Variants in ARMCX4 observed in about 807,000 individuals in gnomAD.
ARMCX4 encodes the protein armadillo repeat-containing X-linked protein 4.
Under a neutral mutation model 34.7 loss-of-function variants are expected in ARMCX4, and 3 were observed. That is an observed-to-expected ratio of 0.09 (90% CI 0.04 to 0.22). The LOEUF is 0.22. Among genes scored for constraint, ARMCX4 ranks in the 10% least tolerant of loss-of-function variants. ARMCX4 has a pLI of 1.00. For missense variants in ARMCX4, 1,448 were observed against 1,720.8 expected, an observed-to-expected ratio of 0.84 and a Z score of 2.81; for synonymous variants, 513 against 632.8, an observed-to-expected ratio of 0.81 and a Z score of 2.84.
intron 11 of ARMCX4, among the ~76,000 whole-genome samples, chrX:101,513,674 T>C (rs1431129237): frequency 1.8e-5 from 2 of 111,764 alleles, no homozygotes; most frequent in East Asian, 5.7e-4. Flanking sequence ...AGCTGGTTTT[T>C]ATAACTATTT....
At chrX:101,471,102 C>T (rs138510805) in intron 4 of ARMCX4, among the ~76,000 whole-genome samples, 2,021 of 112,152 alleles carry the variant, frequency 0.018, 47 homozygotes, top group African/African-American at 0.062. Context: ...TCTACCATTG[C>T]AAAGCATCCA....
At chrX:101,437,351 A>G (rs1555995183) in intron 2 of ARMCX4, among the ~76,000 whole-genome samples, 1 of 109,226 alleles carries the variant, frequency 9.2e-6, no homozygotes, top group Non-Finnish European at 1.9e-5. Context: ...CAGAGATTCA[A>G]CTCCTTCCTG....
chrX:101,491,326 G>T lies in ARMCX4; in HGVS notation c.2737G>T (p.Val913Leu), dbSNP rs1234710232. 1.7e-6 allele frequency: 2 copies of T among 1,153,473 alleles called. No homozygotes were observed. The highest frequency in any genetic ancestry group is 6.5e-5 in the East Asian group (2 of 30,690). Reference sequence around the variant, plus strand: ...AATGGGCTCTGCCCAGCCTCAGGTTGTGGCCAACTCCCAGCGTGAGACCTT... The same window carrying T: ...AATGGGCTCTGCCCAGCCTCAGGTTTTGGCCAACTCCCAGCGTGAGACCTT... The part of the protein sequence containing the change: ...DTMGSAQPQV[V>L]ANSQRETLPG... Residue 913 changes from valine to leucine, a missense_variant, in exon 6 of 6, where the codon GTG becomes TTG. Val to Leu is a conservative substitution (Grantham distance 32). This residue lies in a region of ARMCX4 where 1,343 missense variants were observed against 1,540.7 expected (regional missense o/e 0.87). Coordinates refer to ENST00000423738, the MANE Select transcript of ARMCX4 (RefSeq NM_001256155.3).
In ARMCX4 at chrX:101,490,670, C is replaced by T. The variant is rs138287882; in HGVS notation, c.2081C>T (p.Ala694Val). The T allele has an allele frequency of 4.0e-4, 464 of 1,154,388 alleles. 2 individuals are homozygous for T. The African/African-American group carries it at 6.9e-3, about 17-fold the overall frequency. ...AATAAGGTCAAGGGTAATTCCAATGCTGTGTCTAAGGCAGGGGCTGGGACA... is the reference window on the plus strand; with the variant it reads ...AATAAGGTCAAGGGTAATTCCAATGTTGTGTCTAAGGCAGGGGCTGGGACA... ...SKNKVKGNSN[A>V]VSKAGAGTDT... is the part of the protein sequence containing the mutation. Residue 694 changes from alanine to valine, a missense_variant, in exon 6 of 6, where the codon GCT (alanine) becomes GTT (valine). Physicochemically the swap from Ala to Val is moderately conservative, Grantham distance 64 (BLOSUM62 0). Transcript: ENST00000423738.
At chrX:101,479,304 CCACACACACACACACACACACACA>C (rs34549014) in intron 4 of ARMCX4, among the ~76,000 whole-genome samples, 6 of 78,191 alleles carry the variant, frequency 7.7e-5, no homozygotes, top group Non-Finnish European at 1.2e-4. Flanking sequence ...ATAAAGAAAA[CCACACACACACACACACACACACA>C]CACACACACA....
rs1556007480 is a variant in ARMCX4 at position 101,488,475 on chromosome X, T to G, written c.-115T>G. The G allele has an allele frequency of 8.8e-7, 1 of 1,130,717 alleles. No individual in the cohort carries two copies. 93.2% of individuals were successfully genotyped at this position (1,130,717 alleles called of 1,213,427 possible). On this transcript the variant is annotated 5_prime_UTR_variant, in exon 6 of 6. Coordinates refer to ENST00000423738, the MANE Select transcript of ARMCX4 (RefSeq NM_001256155.3). ...CTCCAGAGGCAGCTGTAGTGGCCTT[T>G]GAGTGGCTGAAGACCAGCACCCTCA...
chrX:101,493,385 C>T lies in ARMCX4; in HGVS notation c.4796C>T (p.Pro1599Leu). 1 of 1,154,620 alleles carries T rather than the reference C, an allele frequency of 8.7e-7. No individual in the cohort carries two copies. Among genetic ancestry groups the T allele is most frequent in the Non-Finnish European group, 1.1e-6 (1 of 872,532 alleles). The part of the protein sequence containing the change: ...AGDQTGGGSR[P>L]GSEDQSSGIG... ...GACCAGACTGGTGGAGGCTCCAGGC[C>T]AGGGTCTGAGGATCAGTCCAGTGGA... is the stretch of plus-strand genomic sequence containing the variant. Residue 1599 changes from proline to leucine, a missense_variant, in exon 6 of 6, where the codon CCA (proline) becomes CTA (leucine). This residue lies in a region of ARMCX4 where 1,343 missense variants were observed against 1,540.7 expected (regional missense o/e 0.87). Coordinates refer to ENST00000423738, the MANE Select transcript of ARMCX4 (RefSeq NM_001256155.3).
chrX:101,524,866 C>A (rs1934930828), intron 11 of ARMCX4, among the ~76,000 whole-genome samples: 1 of 112,044 alleles, frequency 8.9e-6, no homozygotes, highest in Non-Finnish European at 1.9e-5. Context: ...CCTCTGGGGG[C>A]AGGGCATAGC....
intron 2 of ARMCX4, among the ~76,000 whole-genome samples, chrX:101,435,132 T>G: frequency 8.9e-6 from 1 of 111,996 alleles, no homozygotes; most frequent in South Asian, 3.7e-4. Context: ...GCATGTTTTA[T>G]AATCCTTTGG....
intron 5 of ARMCX4, 96 bp from the exon 6 acceptor site, chrX:101,488,348 A>C: frequency 1.2e-6 from 1 of 826,007 alleles, no homozygotes. Context: ...CACCAAGCAC[A>C]TGGTTCTACC....
intron 4 of ARMCX4, among the ~76,000 whole-genome samples, chrX:101,465,529 A>G (rs979303750): frequency 1.8e-5 from 2 of 112,399 alleles, no homozygotes; most frequent in African/African-American, 6.4e-5. Flanking sequence ...AGCTTTTAAT[A>G]ATATAACAAC....
At chrX:101,471,743 G>A (rs1237258146) in intron 4 of ARMCX4, among the ~76,000 whole-genome samples, 9 of 110,830 alleles carry the variant, frequency 8.1e-5, no homozygotes, top group African/African-American at 2.3e-4. Context: ...TGCAGCTGAG[G>A]GTCCTGTCTG....
chrX:101,533,892 G>A (rs1047736254), downstream of ARMCX4, among the ~76,000 whole-genome samples: 1 of 111,166 alleles, frequency 9.0e-6, no homozygotes, highest in African/African-American at 3.3e-5. Flanking sequence ...TGGAAAGGAA[G>A]GGGCAGGCAA....
chrX:101,491,046 G>C lies in ARMCX4; in HGVS notation c.2457G>C (p.Gly819=). Residue 819 remains glycine (G), a synonymous_variant, in exon 6 of 6, where the codon GGG becomes GGC. Transcript: ENST00000423738. ...ATTGGAATGCTGTGTCTAAGGCAGG[G>C]GCTGGGATGGATACAAGGGGCTCTG... The part of the protein sequence containing the change: ...RGNWNAVSKA[G]AGMDTRGSAQ... 1 of 1,152,500 alleles carries C rather than the reference G, an allele frequency of 8.7e-7. No individual in the cohort carries two copies. Among genetic ancestry groups the C allele is most frequent in the South Asian group, 1.9e-5 (1 of 52,567 alleles). The allele number at this position is 1,152,500 out of a possible 1,213,427, so 95.0% of individuals were successfully genotyped here. A position where few individuals can be genotyped will look rare whatever the true frequency, so the allele number is the denominator to read the frequency against.
intron 2 of ARMCX4, among the ~76,000 whole-genome samples, chrX:101,425,967 C>T (rs782450357): frequency 1.0e-4 from 11 of 110,459 alleles, no homozygotes; most frequent in Admixed American, 8.8e-4. Flanking sequence ...ATTAGAGGTG[C>T]GCACACCACC....
chrX:101,531,307 A>T (rs1276492313), intron 11 of ARMCX4, among the ~76,000 whole-genome samples: 1 of 112,121 alleles, frequency 8.9e-6, no homozygotes, highest in Non-Finnish European at 1.9e-5. Flanking sequence ...ATGAGGTAAC[A>T]TATTCACAGG....
intron 2 of ARMCX4, among the ~76,000 whole-genome samples, chrX:101,438,525 A>T (rs1247251404): frequency 9.0e-6 from 1 of 111,120 alleles, no homozygotes; most frequent in Non-Finnish European, 1.9e-5. Context: ...AGATCGCGCC[A>T]CTGCACTCCA....
At position 101,490,396 on chromosome X, in the gene ARMCX4, G is replaced by T. The variant is rs921458208; in HGVS notation, c.1807G>T (p.Gly603Cys). The change falls in exon 6 of 6, where the codon GGT becomes TGT. Residue 603 changes from glycine (G) to cysteine (C), a missense_variant. Physicochemically the swap from Gly to Cys is radical, Grantham distance 159 (BLOSUM62 -3). Transcript: ENST00000423738. ...VANPQGEALP[G>C]AKNKVKGNPH... Reference sequence around the variant, plus strand: ...CAATCCCCAGGGTGAGGCCTTGCCTGGTGCCAAGAATAAAGTCAAGGGCAA... The same window carrying T: ...CAATCCCCAGGGTGAGGCCTTGCCTTGTGCCAAGAATAAAGTCAAGGGCAA... 25 of 1,154,544 alleles carry T rather than the reference G, an allele frequency of 2.2e-5. No individual in the cohort carries two copies. Among genetic ancestry groups the T allele is most frequent in the Non-Finnish European group, 2.8e-5 (24 of 872,657 alleles).
Position 101,489,980 on chromosome X carries a change from A to G in ARMCX4, c.1391A>G (p.Asp464Gly). Reference sequence around the variant, plus strand: ...CCCAATGTTATGGCTAAGGTGGGGGATGGGACAGACATGTTGTCCTGTACA... The same window carrying G: ...CCCAATGTTATGGCTAAGGTGGGGGGTGGGACAGACATGTTGTCCTGTACA... The part of the protein sequence containing the change: ...GNPNVMAKVG[D>G]GTDMLSCTQP... The change falls in exon 6 of 6, where the codon GAT (aspartate) becomes GGT (glycine). Residue 464 changes from aspartate (D) to glycine (G), a missense_variant. Asp to Gly is a moderately conservative substitution (Grantham distance 94). Around this residue, in one of 2 missense-constraint regions of ARMCX4, gnomAD observed 1,343 missense variants for 1,540.7 expected, o/e 0.87. Transcript: ENST00000423738. 1 of 1,152,889 alleles carries G rather than the reference A, an allele frequency of 8.7e-7. No homozygotes were observed. The highest frequency in any genetic ancestry group is 1.9e-5 in the South Asian group (1 of 52,594).
Sources: allele counts gnomAD v4.1 joint callset (sites outside exome capture counted in the v4.1 genomes callset), GRCh38; gene constraint gnomAD v4.1.1; regional missense constraint gnomAD v4.1.1; transcripts MANE v1.5; gene names NCBI Gene and HGNC (gene_info 2026-07-23, HGNC 2026-07-21).